The following BCLAF3 variants were observed in gnomAD, a reference collection of about 807,000 sequenced individuals.
BCLAF3 encodes BCLAF1 and THRAP3 family member 3.
A neutral mutation model predicts 51.2 loss-of-function variants in BCLAF3; 24 were observed. The ratio of observed to expected loss-of-function variants is 0.47; its 90% CI spans 0.34 to 0.66. The LOEUF (loss-of-function observed/expected upper bound fraction) is 0.66. Ranked by LOEUF, BCLAF3 falls within the 30% of genes least tolerant of loss-of-function variation. The pLI is 0.01. For synonymous variants in BCLAF3, 152 were observed against 176.6 expected, an observed-to-expected ratio of 0.86 and a Z score of 1.10; for missense variants, 465 against 525.1, an observed-to-expected ratio of 0.89 and a Z score of 1.12.
rs780493007 is a variant in BCLAF3 at position 19,930,627 on chromosome X, A to G, written c.1951-687T>C. On this transcript the variant is annotated intron_variant, in intron 10 of 11. Coordinates refer to ENST00000379682, the MANE Select transcript of BCLAF3 (RefSeq NM_001367774.2). ...CAGTAAGCTGTGATTGTGACACCAC[A>G]CTCCAGTCTGGGTGACAGAGCGAGA... 4.0e-5 allele frequency: 9 copies of G among 223,401 alleles called. No individual in the cohort carries two copies. In the East Asian group the frequency reaches 1.7e-3, roughly 43 times the overall value. 18.4% of individuals were successfully genotyped at this position (223,401 alleles called of 1,213,427 possible). A position where few individuals can be genotyped will look rare whatever the true frequency, so the allele number is the denominator to read the frequency against.
At chrX:19,963,940 T>C (rs957913191) in intron 4 of BCLAF3, among the ~76,000 whole-genome samples, 19 of 111,487 alleles carry the variant, frequency 1.7e-4, no homozygotes, top group Admixed American at 1.4e-3. Context: ...AGGAGGATCA[T>C]CTGAGCCCAA....
intron 9 of BCLAF3, chrX:19,937,196 C>A: frequency 2.7e-6 from 1 of 376,450 alleles, no homozygotes; most frequent in South Asian, 4.3e-5. Context: ...CTTAAGAAAG[C>A]TAGATTTATT....
At chrX:19,937,158 A>G (rs941295698) in intron 9 of BCLAF3, among the ~76,000 whole-genome samples, 1 of 111,686 alleles carries the variant, frequency 9.0e-6, no homozygotes, top group African/African-American at 3.3e-5. Context: ...TACAAGCATG[A>G]GCCACTGCAC....
intron 4 of BCLAF3, among the ~76,000 whole-genome samples, chrX:19,957,111 TCAACTCCCTGC>T (rs1569506265): frequency 9.0e-6 from 1 of 111,474 alleles, no homozygotes; most frequent in Non-Finnish European, 1.9e-5. Flanking sequence ...GTTGCCAGGG[TCAACTCCCTGC>T]CAAGGCAGAA....
chrX:19,979,918 GGA>G (rs748155372), intron 1 of BCLAF3, among the ~76,000 whole-genome samples: 2 of 108,377 alleles, frequency 1.8e-5, no homozygotes, highest in Non-Finnish European at 1.9e-5. Flanking sequence ...AGAGGGAAAG[GGA>G]GAGAGAGAGA....
chrX:19,953,978 T>C lies in BCLAF3; in HGVS notation c.1451-86A>G, dbSNP rs747688938. ...ATATAAGCACAGAAAGAAGGGATTATTTTTTAAAATTCAACCTGTTTTCTC... is the reference window on the plus strand; with the variant it reads ...ATATAAGCACAGAAAGAAGGGATTACTTTTTAAAATTCAACCTGTTTTCTC... On this transcript the variant is annotated intron_variant, in intron 5 of 11. Transcript: ENST00000379682. The C allele has an allele frequency of 2.8e-6, 3 of 1,073,326 alleles. No individual in the cohort carries two copies. In the South Asian group the frequency reaches 8.2e-5, roughly 29 times the overall value. The allele number at this position is 1,073,326 out of a possible 1,213,427, so 88.5% of individuals were successfully genotyped here.
intron 8 of BCLAF3, among the ~76,000 whole-genome samples, chrX:19,938,613 T>A (rs1272748521): frequency 8.9e-6 from 1 of 112,448 alleles, no homozygotes; most frequent in African/African-American, 3.2e-5. Flanking sequence ...GCCAGCCTGG[T>A]CTTGAACTCC....
At chrX:19,927,885 C>CT (rs1308428921) in intron 11 of BCLAF3, among the ~76,000 whole-genome samples, 10 of 99,979 alleles carry the variant, frequency 1.0e-4, no homozygotes, top group East Asian at 6.2e-4. Flanking sequence ...TTCTTTCTTT[C>CT]TTTTTTTTTT....
chrX:19,928,858 T>C (rs1303486618), intron 11 of BCLAF3: 1 of 111,050 alleles, frequency 9.0e-6, no homozygotes, highest in Non-Finnish European at 1.9e-5. Flanking sequence ...CACCTACACG[T>C]GGCATCTAAA....
intron 8 of BCLAF3, among the ~76,000 whole-genome samples, chrX:19,939,909 T>C (rs776397946): frequency 3.9e-4 from 44 of 111,688 alleles, no homozygotes; most frequent in African/African-American, 1.3e-3. Flanking sequence ...AGAATAGAGG[T>C]TACCAGGGGC....
rs376131171 is a variant in BCLAF3 at position 19,965,620 on chromosome X, G to A, written c.698C>T (p.Ala233Val). Residue 233 changes from alanine (A) to valine (V), a missense_variant, in exon 4 of 12, where the codon GCC becomes GTC. Transcript: ENST00000379682. ...DVERYESREP[A>V]RNPKWKPEHS... ...CTCAGGCTTCCACTTTGGGTTCCTG[G>A]CAGGCTCTCTGCTTTCATACCTCTC... 68 of 1,168,517 alleles carry A rather than the reference G, an allele frequency of 5.8e-5. No individual in the cohort carries two copies. The highest frequency in any genetic ancestry group is 7.6e-5 in the Non-Finnish European group (67 of 878,055).
Position 19,966,647 on chromosome X carries a change from G to T in BCLAF3, c.44C>A (p.Ser15Tyr), listed in dbSNP as rs765932997. Residue 15 changes from serine to tyrosine, a missense_variant and splice_region_variant, in exon 3 of 12, where the codon TCT becomes TAT. Physicochemically the swap from Ser to Tyr is moderately radical, Grantham distance 144. Transcript: ENST00000379682. ...AGCATTTCTAGGTACTGGTGATAAA[G>T]ACCTATGTAAACAAACACAGAAAAG... ...RSRSPRWKHR[S>Y]LSPVPRNAEH... 6.7e-6 allele frequency: 8 copies of T among 1,201,750 alleles called. No homozygotes were observed. Among genetic ancestry groups the T allele is most frequent in the Non-Finnish European group, 9.0e-6 (8 of 889,747 alleles).
intron 8 of BCLAF3, among the ~76,000 whole-genome samples, chrX:19,947,371 T>C (rs2071347156): frequency 8.9e-6 from 1 of 112,351 alleles, no homozygotes; most frequent in African/African-American, 3.2e-5. Context: ...AACAACTCAT[T>C]TACATTGTAG....
intron 8 of BCLAF3, among the ~76,000 whole-genome samples, chrX:19,940,092 T>C (rs1242727488): frequency 9.0e-6 from 1 of 111,722 alleles, no homozygotes; most frequent in Non-Finnish European, 1.9e-5. Context: ...TTAGGATATG[T>C]ATATTTTGCC....
Position 19,917,064 on chromosome X carries a change from ATTCTT to A in BCLAF3, c.*236_*240del, listed in dbSNP as rs1446261069. 4 of 370,336 alleles carry A rather than the reference ATTCTT, an allele frequency of 1.1e-5. No homozygotes were observed. Among genetic ancestry groups the A allele is most frequent in the Non-Finnish European group, 1.8e-5 (4 of 217,788 alleles). The allele number at this position is 370,336 out of a possible 1,213,427, so 30.5% of individuals were successfully genotyped here. Reference sequence around the variant, plus strand: ...ATCAACAAATAATGCCCTTCAAGTGATTCTTTTGAGACTTTTTGCAAAGGAAACTG... The same window carrying A: ...ATCAACAAATAATGCCCTTCAAGTGATTGAGACTTTTTGCAAAGGAAACTG... On this transcript the variant is annotated 3_prime_UTR_variant, in exon 12 of 12. Transcript: ENST00000379682.
chrX:19,965,255 A>G lies in BCLAF3; in HGVS notation c.1063T>C (p.Ser355Pro). 1 of 1,208,552 alleles carries G rather than the reference A, an allele frequency of 8.3e-7. No individual in the cohort carries two copies. The highest frequency in any genetic ancestry group is 1.8e-5 in the South Asian group (1 of 56,248). ...SKKDSIACTY[S>P]NKNDVDLRSS... ...CGCAAATCAACATCATTTTTATTTG[A>G]ATAAGTACAGGCAATGCTGTCTTTC... The change falls in exon 4 of 12, where the codon TCA becomes CCA. Residue 355 changes from serine (S) to proline (P), a missense_variant. Transcript: ENST00000379682.
chrX:19,930,979 G>A (rs1350407998), intron 10 of BCLAF3, among the ~76,000 whole-genome samples: 1 of 112,380 alleles, frequency 8.9e-6, no homozygotes, highest in East Asian at 2.8e-4. Context: ...CCAATGAGGG[G>A]GAAAGATATT....
rs1348942628 is a variant in BCLAF3, at chrX:19,991,046, C to T, written c.-173G>A. Among the ~76,000 whole-genome samples the T allele has an allele frequency of 9.2e-6, 1 of 108,673 alleles. No homozygotes were observed. Among genetic ancestry groups the T allele is most frequent in the Admixed American group, 9.5e-5 (1 of 10,488 alleles). 94.4% of individuals were successfully genotyped at this position (108,673 alleles called of 115,157 possible). A position where few individuals can be genotyped will look rare whatever the true frequency, so the allele number is the denominator to read the frequency against. On this transcript the variant is annotated 5_prime_UTR_variant, in exon 1 of 12. Coordinates refer to ENST00000379682, the MANE Select transcript of BCLAF3 (RefSeq NM_001367774.2). Reference sequence around the variant, plus strand: ...GACACCCCAGCCACCTCTGCCGGGCCGCGGGACCCGGAACCACTTCCTTCC... The same window carrying T: ...GACACCCCAGCCACCTCTGCCGGGCTGCGGGACCCGGAACCACTTCCTTCC...
At position 19,990,977 on chromosome X, in the gene BCLAF3, C is replaced by T. The variant is rs1412056503; in HGVS notation, c.-104G>A. ...GCCGCCGCCGCCGCCGCCGCCGGCC[C>T]CTCGGGCCTCGCCCCTCACTCTGCC... On this transcript the variant is annotated 5_prime_UTR_variant, in exon 1 of 12. Transcript: ENST00000379682. 1.9e-5 allele frequency among the ~76,000 whole-genome samples: 2 copies of T among 103,181 alleles called. No homozygotes were observed. Among genetic ancestry groups the T allele is most frequent in the Non-Finnish European group, 4.0e-5 (2 of 49,833 alleles). The allele number at this position is 103,181 out of a possible 115,157, so 89.6% of individuals were successfully genotyped here. A position where few individuals can be genotyped will look rare whatever the true frequency, so the allele number is the denominator to read the frequency against.
Sources: allele counts gnomAD v4.1 joint callset (sites outside exome capture counted in the v4.1 genomes callset), GRCh38; gene constraint gnomAD v4.1.1; transcripts MANE v1.5; gene names NCBI Gene and HGNC (gene_info 2026-07-23, HGNC 2026-07-21).